ATXN1: variants seen among roughly 807,000 people sequenced by gnomAD.
The protein encoded by ATXN1 is ataxin-1.
Under a neutral mutation model 56.4 loss-of-function variants are expected in ATXN1, and 8 were observed. The ratio of observed to expected loss-of-function variants is 0.14; its 90% CI spans 0.08 to 0.26. The LOEUF is 0.26. Among genes scored for constraint, ATXN1 ranks in the 10% least tolerant of loss-of-function variants. The pLI is 1.00. For missense variants in ATXN1, 987 were observed against 1,106.5 expected (o/e 0.89, Z 1.53); for synonymous variants, 514 against 494.6 (o/e 1.04, Z -0.52).
intron 2 of ATXN1, among the ~76,000 whole-genome samples, chr6:16,688,432 T>G (rs1031367896): frequency 1.4e-4 from 21 of 152,204 alleles, no homozygotes; most frequent in African/African-American, 4.3e-4. Context: ...GAATACCAGC[T>G]GGATGAACAG....
chr6:16,478,128 G>C (rs1286680895), intron 6 of ATXN1, among the ~76,000 whole-genome samples: 1 of 152,190 alleles, frequency 6.6e-6, no homozygotes, highest in East Asian at 1.9e-4. Context: ...ACAGTGATGA[G>C]ATACTGATTG....
At chr6:16,761,060 A>G (rs920089112) in intron 1 of ATXN1, 4 of 279,172 alleles carry the variant, frequency 1.4e-5, no homozygotes, top group South Asian at 8.0e-5. Flanking sequence ...TTGTATGTAC[A>G]CACATACACA....
intron 6 of ATXN1, among the ~76,000 whole-genome samples, chr6:16,422,243 C>T (rs1038642199): frequency 3.9e-5 from 6 of 152,198 alleles, no homozygotes; most frequent in Admixed American, 3.9e-4. Context: ...CGGCGACACA[C>T]TGAGCAAATG....
At chr6:16,346,230 A>G (rs1761384789) in intron 6 of ATXN1, among the ~76,000 whole-genome samples, 1 of 151,956 alleles carries the variant, frequency 6.6e-6, no homozygotes, top group South Asian at 2.1e-4. Context: ...TAGTTTTTGT[A>G]CTTTTTTCAG....
intron 2 of ATXN1, among the ~76,000 whole-genome samples, chr6:16,731,536 G>C (rs1193005988): frequency 1.6e-5 from 2 of 127,456 alleles, no homozygotes; most frequent in Non-Finnish European, 3.2e-5. Flanking sequence ...AAATAAACCA[G>C]AGCGACCAAG....
At chr6:16,485,578 C>T (rs776876702) in intron 6 of ATXN1, 2 of 152,128 alleles carry the variant, frequency 1.3e-5, no homozygotes, top group Non-Finnish European at 2.9e-5. Flanking sequence ...ATTGCTAATC[C>T]TTAGCCTGGA....
intron 6 of ATXN1, among the ~76,000 whole-genome samples, chr6:16,384,560 C>T (rs528268179): frequency 2.6e-5 from 4 of 152,330 alleles, no homozygotes; most frequent in Non-Finnish European, 5.9e-5. Flanking sequence ...TTTGTGTCCC[C>T]ACCCAAATCT....
chr6:16,449,480 G>T (rs1729037225), intron 6 of ATXN1, among the ~76,000 whole-genome samples: 1 of 152,080 alleles, frequency 6.6e-6, no homozygotes, highest in South Asian at 2.1e-4. Flanking sequence ...CCCTCCCTCA[G>T]GCTTATGAGT....
intron 6 of ATXN1, among the ~76,000 whole-genome samples, chr6:16,443,988 C>T (rs1018231458): frequency 5.3e-5 from 8 of 151,920 alleles, no homozygotes; most frequent in Non-Finnish European, 7.4e-5. Flanking sequence ...TGGTGGCGGG[C>T]GCCTGTAGTC....
At chr6:16,728,240 T>C (rs1313106793) in intron 2 of ATXN1, among the ~76,000 whole-genome samples, 46 of 152,120 alleles carry the variant, frequency 3.0e-4, no homozygotes, top group Admixed American at 3.0e-3. Flanking sequence ...AATGAAGCAA[T>C]AAATGACATG....
rs1332659864 is a variant in ATXN1 at position 16,328,036 on chromosome 6, G to C, written c.275C>G (p.Ala92Gly). The change falls in exon 7 of 8, where the codon GCT (alanine) becomes GGT (glycine). Residue 92 changes from alanine (A) to glycine (G), a missense_variant. Physicochemically the swap from Ala to Gly is moderately conservative, Grantham distance 60. Around this residue, in one of 3 missense-constraint regions of ATXN1, gnomAD observed 723 missense variants for 791.7 expected, o/e 0.91. Transcript: ENST00000436367. The surrounding 1 kb of genome is among the most constrained non-coding windows in gnomAD (Gnocchi z 6.2). ...STGLDYSPPS[A>G]PRSVPVATTL... ...GGTGGCCACGGGGACAGACCTGGGA[G>C]CGCTGGGCGGGGAGTAGTCCAGCCC... is the stretch of plus-strand genomic sequence containing the variant. 4 of 1,613,750 alleles carry C rather than the reference G, an allele frequency of 2.5e-6. No individual in the cohort carries two copies. The highest frequency in any genetic ancestry group is 3.4e-6 in the Non-Finnish European group (4 of 1,179,764).
chr6:16,574,841 G>A (rs928123352), intron 4 of ATXN1, among the ~76,000 whole-genome samples: 1 of 129,396 alleles, frequency 7.7e-6, no homozygotes, highest in Admixed American at 7.7e-5. Context: ...TTTTTTTCCT[G>A]TTTCAGGATC....
At chr6:16,308,367 C>CACACA in intron 7 of ATXN1, among the ~76,000 whole-genome samples, 1 of 147,946 alleles carries the variant, frequency 6.8e-6, no homozygotes, top group East Asian at 1.9e-4. Context: ...CACACACACA[C>CACACA]ACTTCCTGGG....
chr6:16,664,288 G>GT (rs1466163481), intron 2 of ATXN1, among the ~76,000 whole-genome samples: 1 of 152,110 alleles, frequency 6.6e-6, no homozygotes, highest in Non-Finnish European at 1.5e-5. Flanking sequence ...TGAAGAGTAT[G>GT]TTTTTTTAAG....
chr6:16,659,783 A>G (rs1485755617), intron 2 of ATXN1, among the ~76,000 whole-genome samples: 1 of 152,184 alleles, frequency 6.6e-6, no homozygotes, highest in Admixed American at 6.5e-5. Flanking sequence ...TGTTTTTGCC[A>G]TAAGAAAATA....
chr6:16,584,271 C>CACAT lies in ATXN1; in HGVS notation c.-361+1508_-361+1509insATGT, dbSNP rs770282172. ...ACACACACACACACACACACACACA[C>CACAT]ATATACACATATATATATATACACA... On this transcript the variant is annotated intron_variant, in intron 4 of 7. Transcript: ENST00000436367. Among the ~76,000 whole-genome samples, 1,263 of 140,260 alleles carry CACAT rather than the reference C, an allele frequency of 9.0e-3. 17 individuals carry two copies. Among genetic ancestry groups the CACAT allele is most frequent in the African/African-American group, 0.02 (781 of 38,716 alleles). 92.0% of individuals were successfully genotyped at this position (140,260 alleles called of 152,430 possible).
chr6:16,352,991 C>T (rs1412299485), intron 6 of ATXN1, among the ~76,000 whole-genome samples: 2 of 152,138 alleles, frequency 1.3e-5, no homozygotes, highest in African/African-American at 2.4e-5. Flanking sequence ...CGCTAGGTGA[C>T]TCACCGGCGG....
chr6:16,448,259 C>T (rs1708426464), intron 6 of ATXN1, among the ~76,000 whole-genome samples: 2 of 152,160 alleles, frequency 1.3e-5, no homozygotes, highest in Admixed American at 1.3e-4. Context: ...TAGAATGCTC[C>T]TCTGGCAAAT....
intron 7 of ATXN1, among the ~76,000 whole-genome samples, chr6:16,310,523 C>A (rs534447221): frequency 3.5e-4 from 54 of 152,224 alleles, no homozygotes; most frequent in African/African-American, 1.2e-3. Flanking sequence ...TGCTCTGTCG[C>A]CCAGGCTGGA....
Sources: gnomAD v4.1 joint callset for allele counts (sites outside exome capture counted in the v4.1 genomes callset) on GRCh38, gnomAD v4.1.1 for gene constraint, gnomAD v4.1.1 regional missense constraint, Gnocchi (gnomAD v3.1) non-coding constraint, MANE v1.5 for transcripts, NCBI Gene and HGNC (gene_info 2026-07-23, HGNC 2026-07-21) for gene names.